PRRC2B: variants seen among roughly 807,000 people sequenced by gnomAD.
PRRC2B encodes protein PRRC2B.
Under a neutral mutation model 242.3 loss-of-function variants are expected in PRRC2B, and 68 were observed. The observed-to-expected ratio is 0.28, with a 90% CI of 0.23 to 0.34. The LOEUF is 0.34. Among genes scored for constraint, PRRC2B ranks in the 10% least tolerant of loss-of-function variants. PRRC2B has a pLI of 1.00. For missense variants in PRRC2B, 2,835 were observed against 2,954.8 expected, an observed-to-expected ratio of 0.96 and a Z score of 0.94; for synonymous variants, 1,228 against 1,173.6, an observed-to-expected ratio of 1.05 and a Z score of -0.95.
chr9:131,490,672 C>T (rs1426830330), intron 28 of PRRC2B: 2 of 501,600 alleles, frequency 4.0e-6, no homozygotes, highest in Non-Finnish European at 8.0e-6. Flanking sequence ...TTAGTTAGGC[C>T]CTGCAGCTAC....
intron 19 of PRRC2B, among the ~76,000 whole-genome samples, chr9:131,480,872 T>C (rs1202412134): frequency 2.0e-5 from 3 of 152,082 alleles, no homozygotes; most frequent in African/African-American, 7.2e-5. Flanking sequence ...AAAGACTCTG[T>C]AGAAGCCACC....
At chr9:131,480,235 C>T (rs905324805) in intron 19 of PRRC2B, among the ~76,000 whole-genome samples, 1 of 152,208 alleles carries the variant, frequency 6.6e-6, no homozygotes, top group Non-Finnish European at 1.5e-5. Context: ...GAGTTCTGGG[C>T]CTTGATTCTT....
intron 1 of PRRC2B, among the ~76,000 whole-genome samples, chr9:131,422,889 T>C (rs1837881413): frequency 6.6e-6 from 1 of 152,250 alleles, no homozygotes; most frequent in South Asian, 2.1e-4. Flanking sequence ...TATCTTCATA[T>C]GGGTTTTAGG....
chr9:131,405,532 G>A (rs936600508), intron 1 of PRRC2B, among the ~76,000 whole-genome samples: 2 of 152,064 alleles, frequency 1.3e-5, no homozygotes, highest in Non-Finnish European at 2.9e-5. Context: ...ACCTCTTGGC[G>A]TCACTTGCCA....
intron 10 of PRRC2B, among the ~76,000 whole-genome samples, chr9:131,457,686 C>A (rs1943122043): frequency 6.6e-6 from 1 of 152,116 alleles, no homozygotes; most frequent in South Asian, 2.1e-4. Context: ...TCCACCAGTT[C>A]ATCTCCATCC....
At chr9:131,447,577 A>T (rs1456080310) in intron 8 of PRRC2B, 85 bp from the exon 9 acceptor site, 2 of 1,254,768 alleles carry the variant, frequency 1.6e-6, no homozygotes, top group Non-Finnish European at 2.2e-6. Context: ...GAACCTTTGC[A>T]GTGTGGAATT....
intron 1 of PRRC2B, among the ~76,000 whole-genome samples, chr9:131,394,783 C>T (rs1248645467): frequency 2.6e-5 from 4 of 151,222 alleles, no homozygotes; most frequent in Non-Finnish European, 4.4e-5. Context: ...GTTCCTGGCG[C>T]GGGGTGGGCC....
At chr9:131,380,680 A>C (rs539648188) in intron 1 of PRRC2B, among the ~76,000 whole-genome samples, 47 of 151,086 alleles carry the variant, frequency 3.1e-4, no homozygotes, top group South Asian at 6.3e-4. Flanking sequence ...AGTTTGAGAC[A>C]AGCCTGGCCA....
At chr9:131,464,274 A>G (rs1943328730) in intron 11 of PRRC2B, among the ~76,000 whole-genome samples, 2 of 152,164 alleles carry the variant, frequency 1.3e-5, no homozygotes, top group Non-Finnish European at 2.9e-5. Context: ...TCGAAGCTTT[A>G]TGTCTGACAG....
At chr9:131,495,075 C>A (rs1367478791) in intron 31 of PRRC2B, among the ~76,000 whole-genome samples, 1 of 152,090 alleles carries the variant, frequency 6.6e-6, no homozygotes, top group Admixed American at 6.5e-5. Context: ...CTCATTGGTT[C>A]CCCTAGGGGT....
intron 10 of PRRC2B, among the ~76,000 whole-genome samples, chr9:131,458,469 A>G (rs1027518921): frequency 1.3e-5 from 2 of 151,078 alleles, no homozygotes; most frequent in Non-Finnish European, 2.9e-5. Flanking sequence ...CTAAAATGAA[A>G]AAGTTACGAA....
At chr9:131,395,268 G>T (rs1347399228) in intron 1 of PRRC2B, among the ~76,000 whole-genome samples, 2 of 151,976 alleles carry the variant, frequency 1.3e-5, no homozygotes, top group East Asian at 1.9e-4. Flanking sequence ...CTTTCCCTAA[G>T]ATTTTTTTTT....
intron 1 of PRRC2B, among the ~76,000 whole-genome samples, chr9:131,397,791 C>T (rs1837111244): frequency 6.6e-6 from 1 of 152,000 alleles, no homozygotes; most frequent in Non-Finnish European, 1.5e-5. Flanking sequence ...CATGGGCGGA[C>T]AGGTACTAAA....
rs924174364 is a variant in PRRC2B, at chr9:131,387,968, A to G, written c.-56+14237A>G. On this transcript the variant is annotated intron_variant, in intron 1 of 1. Transcript: ENST00000682525. ...CACTTTGGGAGGCCCAGGTGGGTGG[A>G]TCACTTGAGGCCAGGAGTTCAAGAC... Among the ~76,000 whole-genome samples the G allele has an allele frequency of 4.0e-5, 6 of 150,618 alleles. 1 individual carries two copies. The highest frequency in any genetic ancestry group is 5.9e-5 in the Non-Finnish European group (4 of 67,618).
Position 131,420,450 on chromosome 9 carries a change from T to TCC in PRRC2B, c.-51-9643_-51-9642insCC, listed in dbSNP as rs36055700. On this transcript the variant is annotated intron_variant, in intron 1 of 31. Coordinates refer to ENST00000683519, the MANE Select transcript of PRRC2B (RefSeq NM_013318.4). ...TGCTTTTCTTTTTTCTTTTTCTTTT[T>TCC]CTTTTTCTTTCTTTCTTTCTTTCTT... Among the ~76,000 whole-genome samples, 109 of 74,068 alleles carry TCC rather than the reference T, an allele frequency of 1.5e-3. 4 individuals carry two copies. The highest frequency in any genetic ancestry group is 2.4e-3 in the Non-Finnish European group (88 of 36,734). The allele number at this position is 74,068 out of a possible 152,430, so 48.6% of individuals were successfully genotyped here. A position where few individuals can be genotyped will look rare whatever the true frequency, so the allele number is the denominator to read the frequency against.
chr9:131,488,215 C>T (rs963752391), intron 28 of PRRC2B, 119 bp downstream of exon 28: 14 of 1,370,204 alleles, frequency 1.0e-5, no homozygotes, highest in Admixed American at 5.3e-5. Flanking sequence ...TGGTAGCCAC[C>T]GTGCCCATTC....
intron 1 of PRRC2B, among the ~76,000 whole-genome samples, chr9:131,425,886 G>A (rs1473690981): frequency 6.6e-6 from 1 of 151,616 alleles, no homozygotes; most frequent in Admixed American, 6.6e-5. Flanking sequence ...GTTCACGCCT[G>A]TAATCCCAGC....
At chr9:131,464,347 G>A (rs912295050) in intron 11 of PRRC2B, among the ~76,000 whole-genome samples, 7 of 152,200 alleles carry the variant, frequency 4.6e-5, no homozygotes, top group Non-Finnish European at 1.0e-4. Flanking sequence ...GCGGGCAGGA[G>A]TAGCAGTTTT....
intron 1 of PRRC2B, among the ~76,000 whole-genome samples, chr9:131,414,128 C>A (rs554767380): frequency 4.9e-4 from 75 of 152,198 alleles, no homozygotes; most frequent in African/African-American, 1.7e-3. Flanking sequence ...AACTGCACAT[C>A]AGTAGTCACT....
Sources: allele counts gnomAD v4.1 joint callset (sites outside exome capture counted in the v4.1 genomes callset), GRCh38; gene constraint gnomAD v4.1.1; transcripts MANE v1.5; gene names NCBI Gene and HGNC (gene_info 2026-07-23, HGNC 2026-07-21).